Variants in ELF1 observed in about 807,000 individuals in gnomAD.
ELF1 encodes the protein E74 like ETS transcription factor 1.
Under a neutral mutation model 59.9 loss-of-function variants are expected in ELF1, and 24 were observed. The ratio of observed to expected loss-of-function variants is 0.40; its 90% CI spans 0.29 to 0.56. The LOEUF (loss-of-function observed/expected upper bound fraction) is 0.56, where lower values mean the gene tolerates loss of function less well. Among genes scored for constraint, ELF1 ranks in the 20% least tolerant of loss-of-function variants. ELF1 has a pLI of 0.44. For missense variants in ELF1, 627 were observed against 742.2 expected, an observed-to-expected ratio of 0.84 and a Z score of 1.80; for synonymous variants, 248 against 266.2, an observed-to-expected ratio of 0.93 and a Z score of 0.67.
chr13:40,993,077 G>C (rs1873948756), intron 1 of ELF1: 1 of 1,608,142 alleles, frequency 6.2e-7, no homozygotes, highest in Non-Finnish European at 8.5e-7. Context: ...TCATCATCTT[G>C]TCAAAATTTT....
chr13:41,035,134 C>T (rs1442261530), intron 1 of ELF1, among the ~76,000 whole-genome samples: 40 of 152,246 alleles, frequency 2.6e-4, no homozygotes, highest in Non-Finnish European at 4.4e-5. Flanking sequence ...CATTCGTACA[C>T]ACACTTATGG....
At position 40,952,396 on chromosome 13, in the gene ELF1, C is replaced by A. The variant is rs914050787; in HGVS notation, c.254-960G>T. 8.6e-5 allele frequency among the ~76,000 whole-genome samples: 13 copies of A among 151,774 alleles called. No homozygotes were observed. In the East Asian group the frequency reaches 2.3e-3, roughly 27 times the overall value. ...TTTTTTTTTGAGACAAGGTCTTACCCTGTCTCCCAGGCTAGAGTGCAGTGG... is the reference window on the plus strand; with the variant it reads ...TTTTTTTTTGAGACAAGGTCTTACCATGTCTCCCAGGCTAGAGTGCAGTGG... On this transcript the variant is annotated intron_variant, in intron 3 of 8. Coordinates refer to ENST00000239882, the MANE Select transcript of ELF1 (RefSeq NM_172373.4).
intron 2 of ELF1, among the ~76,000 whole-genome samples, chr13:40,979,489 C>T (rs1873130668): frequency 6.6e-6 from 1 of 152,190 alleles, no homozygotes; most frequent in African/African-American, 2.4e-5. Flanking sequence ...CTCTTAACCA[C>T]CGCTACTACT....
intron 2 of ELF1, among the ~76,000 whole-genome samples, chr13:40,960,378 T>G (rs566199280): frequency 6.6e-6 from 1 of 152,356 alleles, no homozygotes; most frequent in Non-Finnish European, 1.5e-5. Context: ...AGAAGTTCTT[T>G]GCTCTTTGTC....
intron 2 of ELF1, among the ~76,000 whole-genome samples, chr13:40,964,701 AT>A (rs1192734936): frequency 6.6e-6 from 1 of 152,066 alleles, no homozygotes; most frequent in Non-Finnish European, 1.5e-5. Context: ...CGCCTGGCTA[AT>A]TTTTGGATCT....
intron 1 of ELF1, among the ~76,000 whole-genome samples, chr13:41,024,892 C>T (rs552662265): frequency 2.0e-5 from 3 of 152,296 alleles, no homozygotes; most frequent in Middle Eastern, 3.4e-3. Flanking sequence ...GGAAAAGTAA[C>T]ATCACAGTCT....
At chr13:41,045,807 A>G (rs925937472) in intron 1 of ELF1, among the ~76,000 whole-genome samples, 8 of 152,232 alleles carry the variant, frequency 5.3e-5, no homozygotes, top group African/African-American at 1.7e-4. Context: ...CACTTGGTGC[A>G]GAGCTGAGTT....
At chr13:40,938,389 T>TA (rs1379333991) in intron 8 of ELF1, among the ~76,000 whole-genome samples, 1 of 152,064 alleles carries the variant, frequency 6.6e-6, no homozygotes, top group Non-Finnish European at 1.5e-5. Context: ...TCACATGAAA[T>TA]AAAAAGAAAT....
At chr13:41,031,612 G>A (rs1876163574) in intron 1 of ELF1, among the ~76,000 whole-genome samples, 1 of 151,940 alleles carries the variant, frequency 6.6e-6, no homozygotes, top group Admixed American at 6.6e-5. Context: ...GAGGTTGGGA[G>A]TTCAAAACCA....
chr13:41,020,399 T>C (rs1207726246), upstream of ELF1, among the ~76,000 whole-genome samples: 4 of 152,106 alleles, frequency 2.6e-5, no homozygotes, highest in African/African-American at 9.7e-5. Flanking sequence ...AAAAAGTAAA[T>C]AGGATTTAGC....
Position 40,941,172 on chromosome 13 carries a change from T to G in ELF1, c.1005A>C (p.Pro335=), listed in dbSNP as rs1391730136. The change falls in exon 8 of 9, where the codon CCA becomes CCC. Residue 335 remains proline (P), a synonymous_variant. Transcript: ENST00000239882. ...CTGTAGTGGCTCCTCCTTTTACCCC[T>G]GGACTTGAAGATACTCTCGACCGGC... The part of the protein sequence containing the change: ...QTSRSRVSSS[P]GVKGGATTVL... 1.9e-6 allele frequency: 3 copies of G among 1,614,110 alleles called. No individual in the cohort carries two copies. The highest frequency in any genetic ancestry group is 2.5e-6 in the Non-Finnish European group (3 of 1,179,924).
intron 1 of ELF1, among the ~76,000 whole-genome samples, chr13:41,052,580 G>C (rs967131076): frequency 2.6e-5 from 4 of 152,134 alleles, no homozygotes; most frequent in African/African-American, 4.8e-5. Flanking sequence ...GCCAGGCACA[G>C]TCGCTCACGC....
rs140614526 is a variant in ELF1, at chr13:41,052,831, T to C, written c.-229+8007A>G. Reference sequence around the variant, plus strand: ...CTAAATGATCTACATTATATGGCAATTTACCTTGTAAACCTACATAAACGT... The same window carrying C: ...CTAAATGATCTACATTATATGGCAACTTACCTTGTAAACCTACATAAACGT... On this transcript the variant is annotated intron_variant, in intron 1 of 1. Transcript: ENST00000405737. Among the ~76,000 whole-genome samples, 12 of 152,332 alleles carry C rather than the reference T, an allele frequency of 7.9e-5. No individual in the cohort carries two copies. The East Asian group carries it at 2.1e-3, about 27-fold the overall frequency.
At chr13:40,972,356 T>C in intron 2 of ELF1, among the ~76,000 whole-genome samples, 1 of 152,222 alleles carries the variant, frequency 6.6e-6, no homozygotes, top group South Asian at 2.1e-4. Flanking sequence ...CCTTACGGCA[T>C]AAGTCCACCA....
rs113417476 is a variant in ELF1, at chr13:41,051,252, T to C, written c.-229+9586A>G. Among the ~76,000 whole-genome samples, 6 of 152,082 alleles carry C rather than the reference T, an allele frequency of 3.9e-5. 1 individual carries two copies. Among genetic ancestry groups the C allele is most frequent in the African/African-American group, 1.4e-4 (6 of 41,518 alleles). Reference sequence around the variant, plus strand: ...AACAAATGAAAGGCATTCCCACTCATATCTGAAATTCTCTGATGCCACCTG... The same window carrying C: ...AACAAATGAAAGGCATTCCCACTCACATCTGAAATTCTCTGATGCCACCTG... On this transcript the variant is annotated intron_variant, in intron 1 of 1. Transcript: ENST00000405737.
rs1217475917 is a variant in ELF1 at position 40,941,034 on chromosome 13, C to G, written c.1143G>C (p.Gln381His). ...VQPTQSPYPT[Q>H]LFRTVHVVQP... ...GTACTACATGAACAGTCCGGAAGAG[C>G]TGGGTAGGATATGGAGACTGCGTGG... The change falls in exon 8 of 9, where the codon CAG (glutamine) becomes CAC (histidine). Residue 381 changes from glutamine to histidine, a missense_variant. Around this residue, in one of 3 missense-constraint regions of ELF1, gnomAD observed 361 missense variants for 396.1 expected, o/e 0.91. Transcript: ENST00000239882. 3 of 1,614,184 alleles carry G rather than the reference C, an allele frequency of 1.9e-6. No individual in the cohort carries two copies. The highest frequency in any genetic ancestry group is 3.3e-5 in the Admixed American group (2 of 60,012).
intron 2 of ELF1, among the ~76,000 whole-genome samples, chr13:40,972,826 T>A (rs1872649766): frequency 6.6e-6 from 1 of 152,128 alleles, no homozygotes; most frequent in Non-Finnish European, 1.5e-5. Flanking sequence ...AAACATCAGT[T>A]TTCATGATTA....
intron 2 of ELF1, among the ~76,000 whole-genome samples, chr13:40,974,609 G>C (rs1442508783): frequency 6.6e-6 from 1 of 152,156 alleles, no homozygotes; most frequent in African/African-American, 2.4e-5. Flanking sequence ...ATTCACCACT[G>C]AAAGTTTCTG....
chr13:41,056,982 G>A (rs1220117338), intron 1 of ELF1, among the ~76,000 whole-genome samples: 3 of 152,174 alleles, frequency 2.0e-5, no homozygotes, highest in South Asian at 4.1e-4. Context: ...TGAAGTGGTA[G>A]ATAAGGTAGG....
Sources: gnomAD v4.1 joint callset for allele counts (sites outside exome capture counted in the v4.1 genomes callset) on GRCh38, gnomAD v4.1.1 for gene constraint, gnomAD v4.1.1 regional missense constraint, MANE v1.5 for transcripts, NCBI Gene and HGNC (gene_info 2026-07-23, HGNC 2026-07-21) for gene names.